C8orf34: variants seen among roughly 807,000 people sequenced by gnomAD.
The protein encoded by C8orf34 is uncharacterized protein C8orf34.
A neutral mutation model predicts 68.3 loss-of-function variants in C8orf34; 65 were observed. The observed-to-expected ratio is 0.95, with a 90% CI of 0.78 to 1.17. The LOEUF is 1.17. Among genes scored for constraint, C8orf34 ranks in the 50% most tolerant of loss-of-function variants. C8orf34 has a pLI of 0.00. For missense variants in C8orf34, 664 were observed against 655.4 expected, an observed-to-expected ratio of 1.01 and a Z score of -0.14; for synonymous variants, 244 against 241.2, an observed-to-expected ratio of 1.01 and a Z score of -0.11.
intron 7 of C8orf34, among the ~76,000 whole-genome samples, chr8:68,570,001 A>T (rs1211686276): frequency 3.9e-5 from 6 of 152,092 alleles, no homozygotes; most frequent in Admixed American, 3.3e-4. Flanking sequence ...CCTTCCCCAG[A>T]CTGAGTCTCT....
At chr8:68,596,689 G>A (rs2130467913) in intron 7 of C8orf34, among the ~76,000 whole-genome samples, 1 of 152,202 alleles carries the variant, frequency 6.6e-6, no homozygotes, top group South Asian at 2.1e-4. Context: ...ACAAGCCTAG[G>A]AAACCTCAGT....
At chr8:68,386,441 G>A (rs924740014) in intron 1 of C8orf34, among the ~76,000 whole-genome samples, 2 of 152,128 alleles carry the variant, frequency 1.3e-5, no homozygotes, top group African/African-American at 4.8e-5. Flanking sequence ...ATATATGAAA[G>A]GCTGTTGTAT....
intron 1 of C8orf34, among the ~76,000 whole-genome samples, chr8:68,391,485 G>A (rs1339829469): frequency 6.6e-6 from 1 of 152,164 alleles, no homozygotes; most frequent in Non-Finnish European, 1.5e-5. Context: ...TGTAATGAAA[G>A]TTGGATAGAT....
intron 8 of C8orf34, among the ~76,000 whole-genome samples, chr8:68,686,048 A>G (rs1488322530): frequency 6.6e-6 from 1 of 152,044 alleles, no homozygotes; most frequent in Non-Finnish European, 1.5e-5. Flanking sequence ...AAATGGGTAA[A>G]TTCCTGGAAA....
chr8:68,377,543 T>C (rs1002715842), intron 1 of C8orf34, among the ~76,000 whole-genome samples: 7 of 152,294 alleles, frequency 4.6e-5, no homozygotes, highest in Admixed American at 3.3e-4. Context: ...GTAAGAATTT[T>C]GCAGGATTCT....
At chr8:68,747,648 G>A (rs1261946063) in intron 10 of C8orf34, among the ~76,000 whole-genome samples, 2 of 151,952 alleles carry the variant, frequency 1.3e-5, no homozygotes, top group Admixed American at 6.6e-5. Context: ...GCTTCAAAGA[G>A]AATAAAATAC....
intron 8 of C8orf34, among the ~76,000 whole-genome samples, chr8:68,673,722 G>A (rs937008819): frequency 6.6e-6 from 1 of 151,426 alleles, no homozygotes; most frequent in African/African-American, 2.4e-5. Context: ...ACCCTAAAGG[G>A]AAGGACACAA....
In C8orf34 at chr8:68,500,221, C is replaced by G. The variant is rs117732380; in HGVS notation, c.765+12170C>G. ...AAAATGGCCTAACAGAAATATATCACTTCTGTGTTATTCTTTCCAAAGTGC... is the reference window on the plus strand; with the variant it reads ...AAAATGGCCTAACAGAAATATATCAGTTCTGTGTTATTCTTTCCAAAGTGC... On this transcript the variant is annotated intron_variant, in intron 5 of 13. Coordinates refer to ENST00000518698, the MANE Select transcript of C8orf34 (RefSeq NM_052958.4). 6.6e-4 allele frequency among the ~76,000 whole-genome samples: 100 copies of G among 152,286 alleles called. 1 individual carries two copies. The East Asian group carries it at 0.015, about 23-fold the overall frequency.
intron 12 of C8orf34, chr8:68,792,368 C>G (rs144912323): frequency 1.6e-3 from 250 of 151,998 alleles, no homozygotes; most frequent in Non-Finnish European, 2.5e-3. Flanking sequence ...GTCAGGAGAT[C>G]GAGACCATCC....
intron 7 of C8orf34, among the ~76,000 whole-genome samples, chr8:68,572,158 A>G (rs1816776821): frequency 6.6e-6 from 1 of 152,072 alleles, no homozygotes; most frequent in African/African-American, 2.4e-5. Context: ...ATATATTATT[A>G]TAATCTTATG....
intron 8 of C8orf34, among the ~76,000 whole-genome samples, chr8:68,647,360 A>G (rs1819208137): frequency 6.6e-6 from 1 of 152,234 alleles, no homozygotes; most frequent in South Asian, 2.1e-4. Flanking sequence ...AGGAAAAATA[A>G]TATAGCCATT....
At chr8:68,701,662 A>G (rs1821020741) in intron 8 of C8orf34, among the ~76,000 whole-genome samples, 1 of 151,984 alleles carries the variant, frequency 6.6e-6, no homozygotes, top group Admixed American at 6.6e-5. Context: ...GCTTGCTCCT[A>G]CAGTCTATTA....
chr8:68,516,895 C>G (rs1414010412), intron 5 of C8orf34, among the ~76,000 whole-genome samples: 1 of 152,026 alleles, frequency 6.6e-6, no homozygotes, highest in Non-Finnish European at 1.5e-5. Flanking sequence ...CCACTTTGGC[C>G]TTCCAAAGTG....
chr8:68,521,098 G>T (rs1051857477), intron 5 of C8orf34, among the ~76,000 whole-genome samples: 5 of 152,118 alleles, frequency 3.3e-5, no homozygotes, highest in African/African-American at 1.2e-4. Context: ...ACAAGAAACG[G>T]ATATACACTG....
chr8:68,479,823 G>A (rs17468697), intron 4 of C8orf34, among the ~76,000 whole-genome samples: 1 of 152,190 alleles, frequency 6.6e-6, no homozygotes. Flanking sequence ...AAATGAATGC[G>A]CTGGTTAATC....
intron 10 of C8orf34, among the ~76,000 whole-genome samples, chr8:68,774,327 G>GTATATATATATATATATATATATATATA (rs1332535200): frequency 0.013 from 1,259 of 95,114 alleles, 68 homozygotes; most frequent in African/African-American, 0.023. Context: ...ATATGGGTGT[G>GTATATATATATATATATATATATATATA]TGTGTATATA....
chr8:68,414,403 C>T (rs1809574033), intron 1 of C8orf34, among the ~76,000 whole-genome samples: 1 of 152,074 alleles, frequency 6.6e-6, no homozygotes, highest in African/African-American at 2.4e-5. Flanking sequence ...GTAGAGTGTA[C>T]AGCATATTAT....
intron 6 of C8orf34, among the ~76,000 whole-genome samples, chr8:68,528,340 G>A (rs547802991): frequency 1.2e-4 from 18 of 152,144 alleles, no homozygotes; most frequent in African/African-American, 3.9e-4. Flanking sequence ...ACCACCTGTC[G>A]TCTTTCTAGT....
intron 7 of C8orf34, among the ~76,000 whole-genome samples, chr8:68,618,313 T>C (rs1818287992): frequency 1.3e-5 from 2 of 152,158 alleles, no homozygotes; most frequent in South Asian, 4.1e-4. Flanking sequence ...TCCCATTTCT[T>C]TATCTAAATA....
Sources: gnomAD v4.1 joint callset for allele counts (sites outside exome capture counted in the v4.1 genomes callset) on GRCh38, gnomAD v4.1.1 for gene constraint, MANE v1.5 for transcripts, NCBI Gene and HGNC (gene_info 2026-07-23, HGNC 2026-07-21) for gene names.